ARB2A: variants seen among roughly 807,000 people sequenced by gnomAD.
ARB2A encodes ARB2 cotranscriptional regulator A, also known as cotranscriptional regulator ARB2A.
chr5:93,945,899 T>C, the ARB2A span, among the ~76,000 whole-genome samples: 1 of 152,118 alleles, frequency 6.6e-6, no homozygotes, highest in Non-Finnish European at 1.5e-5. Flanking sequence ...AAGGAGAAGC[T>C]TACATAGAGT....
chr5:93,910,755 T>C, the ARB2A span: 1 of 151,388 alleles, frequency 6.6e-6, no homozygotes, highest in Non-Finnish European at 1.5e-5. Context: ...AGACCTAAAA[T>C]ACAGTTAACA....
chr5:93,751,217 T>G, the ARB2A span, among the ~76,000 whole-genome samples: 8 of 150,038 alleles, frequency 5.3e-5, no homozygotes, highest in Admixed American at 5.3e-4. Flanking sequence ...TTTAAGAAAT[T>G]ATATAATACA....
the ARB2A span, among the ~76,000 whole-genome samples, chr5:93,843,482 C>A: frequency 2.8e-5 from 4 of 140,526 alleles, no homozygotes. Flanking sequence ...TGTGCAGTGG[C>A]ATGATCACAA....
At chr5:93,839,859 G>A in the ARB2A span, among the ~76,000 whole-genome samples, 1 of 151,996 alleles carries the variant, frequency 6.6e-6, no homozygotes, top group Non-Finnish European at 1.5e-5. Flanking sequence ...TTTTTGTGGG[G>A]TTGGGGGTAA....
At chr5:93,732,094 C>T in the ARB2A span, among the ~76,000 whole-genome samples, 3 of 152,136 alleles carry the variant, frequency 2.0e-5, no homozygotes, top group East Asian at 5.8e-4. Context: ...GAGGTAGCCC[C>T]TTCGATAAAC....
the ARB2A span, among the ~76,000 whole-genome samples, chr5:93,758,092 G>C: frequency 6.6e-6 from 1 of 152,114 alleles, no homozygotes; most frequent in Admixed American, 6.5e-5. Flanking sequence ...AGCAGAGGTA[G>C]CTATTCTTAC....
At chr5:93,751,508 T>C in the ARB2A span, among the ~76,000 whole-genome samples, 1 of 152,116 alleles carries the variant, frequency 6.6e-6, no homozygotes, top group African/African-American at 2.4e-5. Flanking sequence ...AATAGAAATA[T>C]TTTCCTTTGG....
At chr5:93,885,366 T>A in the ARB2A span, among the ~76,000 whole-genome samples, 1 of 151,642 alleles carries the variant, frequency 6.6e-6, no homozygotes, top group Non-Finnish European at 1.5e-5. Flanking sequence ...GTACTTCTTT[T>A]ATATTTAATT....
the ARB2A span, chr5:93,881,570 C>T: frequency 6.2e-7 from 1 of 1,606,810 alleles, no homozygotes; most frequent in Non-Finnish European, 8.5e-7. Context: ...TTTATCTTTT[C>T]TTTCCCGTTT....
At chr5:93,629,077 C>A in the ARB2A span, among the ~76,000 whole-genome samples, 1 of 152,198 alleles carries the variant, frequency 6.6e-6, no homozygotes, top group South Asian at 2.1e-4. Flanking sequence ...ATGTGAGACT[C>A]TTCCTTTCAC....
At chr5:93,624,046 A>C in the ARB2A span, among the ~76,000 whole-genome samples, 1 of 152,206 alleles carries the variant, frequency 6.6e-6, no homozygotes, top group South Asian at 2.1e-4. Context: ...GACAATGTTC[A>C]GTGAATGGAA....
chr5:93,699,274 A>G, the ARB2A span, among the ~76,000 whole-genome samples: 16 of 152,330 alleles, frequency 1.1e-4, no homozygotes, highest in African/African-American at 3.8e-4. Context: ...TAATTTGTTA[A>G]TGAATAAAGC....
the ARB2A span, among the ~76,000 whole-genome samples, chr5:93,729,734 G>A: frequency 6.6e-6 from 1 of 152,100 alleles, no homozygotes. Flanking sequence ...GTAATAAAAT[G>A]AATATGCATA....
the ARB2A span, among the ~76,000 whole-genome samples, chr5:93,656,371 T>C: frequency 6.6e-6 from 1 of 152,194 alleles, no homozygotes; most frequent in Non-Finnish European, 1.5e-5. Flanking sequence ...TTATTCTCAG[T>C]AACCCAATCA....
At chr5:93,952,937 A>C in the ARB2A span, among the ~76,000 whole-genome samples, 2 of 152,182 alleles carry the variant, frequency 1.3e-5, no homozygotes, top group Non-Finnish European at 2.9e-5. Flanking sequence ...CTATTAAAAA[A>C]CACACATTCT....
the ARB2A span, among the ~76,000 whole-genome samples, chr5:94,012,125 A>G: frequency 4.8e-4 from 73 of 152,172 alleles, no homozygotes; most frequent in South Asian, 1.0e-3. Flanking sequence ...AGATGGGGCC[A>G]GGCGCAGTGG....
At chr5:93,685,848 TGG>T in the ARB2A span, among the ~76,000 whole-genome samples, 1 of 152,212 alleles carries the variant, frequency 6.6e-6, no homozygotes, top group Non-Finnish European at 1.5e-5. Flanking sequence ...CCAACCCTTC[TGG>T]GGTTCTAGAA....
At chr5:93,748,845 T>TA in the ARB2A span, among the ~76,000 whole-genome samples, 998 of 152,268 alleles carry the variant, frequency 6.6e-3, 4 homozygotes, top group Middle Eastern at 0.017. Context: ...TATTTCTATG[T>TA]AAAAAAACTT....
chr5:93,857,248 G>C, the ARB2A span, among the ~76,000 whole-genome samples: 5 of 152,170 alleles, frequency 3.3e-5, no homozygotes, highest in Non-Finnish European at 7.3e-5. Context: ...GGACCCACTT[G>C]AGGAGGCAGT....
Sources: gnomAD v4.1 joint callset for allele counts (sites outside exome capture counted in the v4.1 genomes callset) on GRCh38, gnomAD v4.1.1 for gene constraint, MANE v1.5 for transcripts, NCBI Gene and HGNC (gene_info 2026-07-23, HGNC 2026-07-21) for gene names.